PCDH15: variants seen among roughly 807,000 people sequenced by gnomAD.
PCDH15 encodes protocadherin-15.
A neutral mutation model predicts 178.5 loss-of-function variants in PCDH15; 129 were observed. The observed-to-expected ratio is 0.72, with a 90% CI of 0.63 to 0.84. The LOEUF (loss-of-function observed/expected upper bound fraction) is 0.84, where lower values mean the gene tolerates loss of function less well. Ranked by LOEUF, PCDH15 falls within the 40% of genes least tolerant of loss-of-function variation. The pLI is 0.00. For missense variants in PCDH15, 2,230 were observed against 2,099.9 expected (o/e 1.06, Z -1.21); for synonymous variants, 800 against 732.0 (o/e 1.09, Z -1.50).
chr10:55,202,714 G>C (rs1840286871), intron 1 of PCDH15, among the ~76,000 whole-genome samples: 1 of 152,096 alleles, frequency 6.6e-6, no homozygotes, highest in Non-Finnish European at 1.5e-5. Flanking sequence ...GTCAAGGGAG[G>C]GACCTAGTGG....
intron 2 of PCDH15, among the ~76,000 whole-genome samples, chr10:54,901,971 AC>A (rs1302720852): frequency 1.5e-5 from 2 of 134,498 alleles, no homozygotes; most frequent in African/African-American, 5.7e-5. Context: ...AAGCAAATTT[AC>A]CAAATATTCA....
intron 3 of PCDH15, among the ~76,000 whole-genome samples, chr10:54,821,052 C>T (rs1224792444): frequency 6.6e-6 from 1 of 151,978 alleles, no homozygotes; most frequent in African/African-American, 2.4e-5. Flanking sequence ...ATTCTTTGCA[C>T]TTCTACTTAC....
intron 3 of PCDH15, among the ~76,000 whole-genome samples, chr10:54,437,061 T>C (rs1352740987): frequency 6.6e-6 from 1 of 152,164 alleles, no homozygotes; most frequent in African/African-American, 2.4e-5. Flanking sequence ...GTCACACCTG[T>C]CTAATTAGCA....
intron 1 of PCDH15, among the ~76,000 whole-genome samples, chr10:55,288,345 G>A (rs536658650): frequency 6.6e-6 from 1 of 151,426 alleles, no homozygotes; most frequent in East Asian, 1.9e-4. Context: ...TCTCAACTAA[G>A]CAAAGTAAAT....
At chr10:54,312,015 A>C (rs1406071866) in intron 8 of PCDH15, among the ~76,000 whole-genome samples, 2 of 152,120 alleles carry the variant, frequency 1.3e-5, no homozygotes, top group Non-Finnish European at 2.9e-5. Flanking sequence ...TCACATCAAC[A>C]TAGGTGAACA....
At chr10:55,259,488 A>G (rs532328180) in intron 1 of PCDH15, among the ~76,000 whole-genome samples, 1 of 152,326 alleles carries the variant, frequency 6.6e-6, no homozygotes, top group African/African-American at 2.4e-5. Flanking sequence ...CAATCATTTT[A>G]TTTGGGAAAA....
chr10:55,200,570 G>A (rs892053429), intron 1 of PCDH15, among the ~76,000 whole-genome samples: 1 of 152,190 alleles, frequency 6.6e-6, no homozygotes, highest in East Asian at 1.9e-4. Context: ...CTTTTGGGAA[G>A]GCATGAATGT....
At chr10:55,466,667 G>T (rs1229238198) in intron 2 of PCDH15, among the ~76,000 whole-genome samples, 1 of 152,110 alleles carries the variant, frequency 6.6e-6, no homozygotes, top group Non-Finnish European at 1.5e-5. Flanking sequence ...GTCTGGCATC[G>T]AAACGCTGAC....
At chr10:54,128,044 C>T (rs909387921) in intron 15 of PCDH15, among the ~76,000 whole-genome samples, 1 of 152,066 alleles carries the variant, frequency 6.6e-6, no homozygotes, top group African/African-American at 2.4e-5. Flanking sequence ...CCCTCTGGTG[C>T]TGGGATAGAG....
intron 7 of PCDH15, among the ~76,000 whole-genome samples, chr10:54,328,034 A>G (rs1938562595): frequency 6.6e-6 from 1 of 152,006 alleles, no homozygotes; most frequent in Non-Finnish European, 1.5e-5. Flanking sequence ...TGTACATTCT[A>G]TGGGAATGGA....
intron 15 of PCDH15, among the ~76,000 whole-genome samples, chr10:54,116,098 G>A (rs933100810): frequency 6.6e-6 from 1 of 152,104 alleles, no homozygotes; most frequent in African/African-American, 2.4e-5. Flanking sequence ...TATGGAAAAA[G>A]TCCCAGGAGA....
chr10:54,011,660 C>T (rs2092590545), intron 20 of PCDH15, among the ~76,000 whole-genome samples: 1 of 152,188 alleles, frequency 6.6e-6, no homozygotes, highest in Admixed American at 6.5e-5. Flanking sequence ...TGCTGGATCA[C>T]AGCCCAAACT....
At chr10:55,061,766 A>G (rs867064193) in intron 2 of PCDH15, among the ~76,000 whole-genome samples, 12 of 152,294 alleles carry the variant, frequency 7.9e-5, no homozygotes, top group Middle Eastern at 3.4e-3. Flanking sequence ...TACGCCTGTA[A>G]TCCCAGGACT....
chr10:55,088,274 GT>G lies in PCDH15; in HGVS notation c.-80+78301del, dbSNP rs58206751. 2.9e-3 allele frequency among the ~76,000 whole-genome samples: 416 copies of G among 143,986 alleles called. 2 individuals carry two copies. The highest frequency in any genetic ancestry group is 7.9e-3 in the African/African-American group (313 of 39,652). The allele number at this position is 143,986 out of a possible 152,430, so 94.5% of individuals were successfully genotyped here. A position where few individuals can be genotyped will look rare whatever the true frequency, so the allele number is the denominator to read the frequency against. On this transcript the variant is annotated intron_variant, in intron 2 of 5. Coordinates refer to the PCDH15 transcript ENST00000458638. ...ATTAATAACACTACTATGGAAGCAT[GT>G]TTTTTTTTTTTGAGACAGAGTCTTA...
intron 8 of PCDH15, among the ~76,000 whole-genome samples, chr10:54,297,273 C>A (rs531814371): frequency 6.6e-6 from 1 of 152,154 alleles, no homozygotes; most frequent in East Asian, 1.9e-4. Context: ...GCCATTGGGA[C>A]CAATTTGACC....
chr10:54,334,640 T>G (rs1205311689), intron 6 of PCDH15, among the ~76,000 whole-genome samples: 1 of 151,750 alleles, frequency 6.6e-6, no homozygotes, highest in African/African-American at 2.4e-5. Context: ...TTTTCAGCTG[T>G]GATGACTAGA....
At chr10:53,999,818 C>T (rs2092035376) in intron 20 of PCDH15, among the ~76,000 whole-genome samples, 1 of 152,176 alleles carries the variant, frequency 6.6e-6, no homozygotes, top group African/African-American at 2.4e-5. Flanking sequence ...GGCTTTGCCA[C>T]CTGCTGATTA....
chr10:55,303,381 C>G lies in PCDH15; in HGVS notation c.-156+16218G>C, dbSNP rs1843339193. Reference sequence around the variant, plus strand: ...ACATTAATCATAGGGAATGGTGATACTAAGAGATGCCCTAAGTTATCTCCT... The same window carrying G: ...ACATTAATCATAGGGAATGGTGATAGTAAGAGATGCCCTAAGTTATCTCCT... On this transcript the variant is annotated intron_variant, in intron 1 of 5. Coordinates refer to the PCDH15 transcript ENST00000458638. Among the ~76,000 whole-genome samples, 4 of 152,140 alleles carry G rather than the reference C, an allele frequency of 2.6e-5. No homozygotes were observed. In the South Asian group the frequency reaches 8.3e-4, roughly 32 times the overall value.
At chr10:54,834,477 T>G (rs895265618) in intron 3 of PCDH15, among the ~76,000 whole-genome samples, 1 of 151,984 alleles carries the variant, frequency 6.6e-6, no homozygotes, top group East Asian at 1.9e-4. Flanking sequence ...TGCGCCCAGC[T>G]TATTACTAGA....
Sources: gnomAD v4.1 joint callset for allele counts (sites outside exome capture counted in the v4.1 genomes callset) on GRCh38, gnomAD v4.1.1 for gene constraint, MANE v1.5 for transcripts, NCBI Gene and HGNC (gene_info 2026-07-23, HGNC 2026-07-21) for gene names.